MINDY4: variants seen among roughly 807,000 people sequenced by gnomAD.
The protein encoded by MINDY4 is probable ubiquitin carboxyl-terminal hydrolase MINDY-4.
Under a neutral mutation model 87.0 loss-of-function variants are expected in MINDY4, and 68 were observed. The observed-to-expected ratio is 0.78, with a 90% confidence interval of 0.64 to 0.96. The LOEUF is 0.96. Ranked by LOEUF, MINDY4 falls within the 40% of genes least tolerant of loss-of-function variation. The probability of loss-of-function intolerance (pLI) is 0.00; values close to 1 mark genes in which losing one functional copy is unlikely to be tolerated. For missense variants in MINDY4, 919 were observed against 928.2 expected (o/e 0.99, Z 0.13); for synonymous variants, 379 against 363.2 (o/e 1.04, Z -0.50).
At chr7:30,816,995 G>A (rs1012041952) in intron 5 of MINDY4, among the ~76,000 whole-genome samples, 2 of 152,188 alleles carry the variant, frequency 1.3e-5, no homozygotes, top group Non-Finnish European at 2.9e-5. Context: ...TAGTGCACGC[G>A]ATGACTTCTC....
In MINDY4 at chr7:30,882,971, C is replaced by G. The variant is rs931688771; in HGVS notation, c.2203C>G (p.Leu735Val). The G allele has an allele frequency of 3.1e-6, 5 of 1,613,988 alleles. No homozygotes were observed. Among genetic ancestry groups the G allele is most frequent in the Admixed American group, 1.7e-5 (1 of 59,994 alleles). ...EDTDNDLVPP[L>V]ELCIRTKWKG... The stretch of plus-strand genomic sequence containing the variant: ...CACAGACAACGACCTTGTCCCACCC[C>G]TCGAGCTCTGCATCAGAACCAAGTG... The change falls in exon 17 of 18, where the codon CTC (leucine) becomes GTC (valine). Residue 735 changes from leucine to valine, a missense_variant. Coordinates refer to ENST00000265299, the MANE Select transcript of MINDY4 (RefSeq NM_032222.3).
At chr7:30,824,893 C>T (rs1376611180) in intron 5 of MINDY4, among the ~76,000 whole-genome samples, 2 of 152,180 alleles carry the variant, frequency 1.3e-5, no homozygotes, top group African/African-American at 4.8e-5. Flanking sequence ...TGGCTCTTTC[C>T]ACCAAGCCAA....
chr7:30,889,645 C>T (rs1790737888), intron 17 of MINDY4, among the ~76,000 whole-genome samples: 2 of 152,196 alleles, frequency 1.3e-5, no homozygotes, highest in African/African-American at 2.4e-5. Flanking sequence ...CCAATAGACT[C>T]CTCTGGATCT....
chr7:30,845,965 TGAA>T (rs1789202045), intron 9 of MINDY4, among the ~76,000 whole-genome samples: 1 of 152,154 alleles, frequency 6.6e-6, no homozygotes, highest in East Asian at 1.9e-4. Context: ...CAGAAAGAGA[TGAA>T]GAGCTCTTGA....
At chr7:30,774,046 A>G (rs145562976) in intron 1 of MINDY4, among the ~76,000 whole-genome samples, 13 of 152,256 alleles carry the variant, frequency 8.5e-5, no homozygotes, top group African/African-American at 3.1e-4. Flanking sequence ...ACACACCACT[A>G]TGTTGATGGT....
At chr7:30,876,095 A>G (rs1790250513) in intron 15 of MINDY4, among the ~76,000 whole-genome samples, 1 of 152,136 alleles carries the variant, frequency 6.6e-6, no homozygotes, top group Admixed American at 6.5e-5. Flanking sequence ...TGGAAGTCCA[A>G]GATCAAGGTG....
chr7:30,778,055 A>G (rs1421817703), intron 1 of MINDY4, among the ~76,000 whole-genome samples: 1 of 152,216 alleles, frequency 6.6e-6, no homozygotes, highest in African/African-American at 2.4e-5. Context: ...ACATTGGGCA[A>G]GTCAACCCCA....
At chr7:30,863,800 T>G (rs1453151853) in intron 13 of MINDY4, among the ~76,000 whole-genome samples, 1 of 152,242 alleles carries the variant, frequency 6.6e-6, no homozygotes, top group Non-Finnish European at 1.5e-5. Flanking sequence ...TTCCACTTGA[T>G]TTCAAGCCGT....
chr7:30,874,697 C>G (rs530717908), intron 14 of MINDY4, among the ~76,000 whole-genome samples: 1 of 152,332 alleles, frequency 6.6e-6, no homozygotes, highest in African/African-American at 2.4e-5. Flanking sequence ...CATACTTGGG[C>G]TTCCTACTCC....
rs774318644 is a variant in MINDY4 at position 30,791,480 on chromosome 7, T to C, written c.979T>C (p.Leu327=). The C allele has an allele frequency of 6.2e-7, 1 of 1,614,030 alleles. No individual in the cohort carries two copies. The highest frequency in any genetic ancestry group is 8.5e-7 in the Non-Finnish European group (1 of 1,179,954). Residue 327 remains leucine, a synonymous_variant, in exon 5 of 18, where the codon TTG becomes CTG. Coordinates refer to ENST00000265299, the MANE Select transcript of MINDY4 (RefSeq NM_032222.3). The part of the protein sequence containing the change: ...DGSTDTDRMP[L]KLYLPGGNSR... ...CAGCACAGACACGGACAGGATGCCC[T>C]TGAAGCTCTACTTGCCTGGTGGTAA...
intron 13 of MINDY4, among the ~76,000 whole-genome samples, chr7:30,866,726 G>T (rs1474238109): frequency 6.6e-6 from 1 of 152,216 alleles, no homozygotes; most frequent in Non-Finnish European, 1.5e-5. Context: ...CCACTGGTGG[G>T]GGTTTGCAGG....
intron 1 of MINDY4, among the ~76,000 whole-genome samples, chr7:30,777,795 T>C (rs1011574757): frequency 1.4e-4 from 21 of 152,232 alleles, no homozygotes; most frequent in Non-Finnish European, 2.2e-4. Context: ...TGGTTGTTTT[T>C]CAAATAGAGA....
At chr7:30,788,060 T>G (rs1787207013) in intron 4 of MINDY4, among the ~76,000 whole-genome samples, 1 of 152,366 alleles carries the variant, frequency 6.6e-6, no homozygotes, top group African/African-American at 2.4e-5. Flanking sequence ...AGCATTTTTT[T>G]GCAGATCTCT....
At chr7:30,883,400 G>C (rs767742748) in intron 17 of MINDY4, among the ~76,000 whole-genome samples, 5 of 152,128 alleles carry the variant, frequency 3.3e-5, no homozygotes, top group Non-Finnish European at 7.4e-5. Context: ...GGCCCAGCCT[G>C]GGGGTGGCAG....
At chr7:30,808,829 C>A (rs1288416347) in intron 5 of MINDY4, among the ~76,000 whole-genome samples, 2 of 151,880 alleles carry the variant, frequency 1.3e-5, no homozygotes, top group Non-Finnish European at 2.9e-5. Context: ...CTCCCCACCC[C>A]GCACAATGGC....
intron 5 of MINDY4, among the ~76,000 whole-genome samples, chr7:30,804,530 C>T (rs771900669): frequency 6.6e-6 from 1 of 152,114 alleles, no homozygotes; most frequent in African/African-American, 2.4e-5. Flanking sequence ...CAAATATGTA[C>T]TACAGGATTA....
intron 9 of MINDY4, among the ~76,000 whole-genome samples, chr7:30,844,387 G>A (rs761363054): frequency 8.5e-5 from 13 of 152,198 alleles, no homozygotes; most frequent in Non-Finnish European, 1.8e-4. Flanking sequence ...CCTCCTCCTG[G>A]TGATGGGCCC....
At position 30,844,185 on chromosome 7, in the gene MINDY4, C is replaced by T. The variant is rs567900644; in HGVS notation, c.1445+3337C>T. 4.6e-5 allele frequency among the ~76,000 whole-genome samples: 7 copies of T among 152,278 alleles called. No individual in the cohort carries two copies. In the South Asian group the frequency reaches 1.4e-3, roughly 32 times the overall value. ...GTGCAGGTTGAGTGAAGCGGTCTGACTTCCTGCTCCCACAGACCTCCTAGC... is the reference window on the plus strand; with the variant it reads ...GTGCAGGTTGAGTGAAGCGGTCTGATTTCCTGCTCCCACAGACCTCCTAGC... On this transcript the variant is annotated intron_variant, in intron 9 of 17. Transcript: ENST00000265299.
intron 12 of MINDY4, among the ~76,000 whole-genome samples, chr7:30,855,938 A>G (rs535687612): frequency 1.3e-5 from 2 of 152,254 alleles, no homozygotes; most frequent in African/African-American, 4.8e-5. Context: ...CACCAAATTC[A>G]TTTTTCATGG....
Sources: gnomAD v4.1 joint callset for allele counts (sites outside exome capture counted in the v4.1 genomes callset) on GRCh38, gnomAD v4.1.1 for gene constraint, MANE v1.5 for transcripts, NCBI Gene and HGNC (gene_info 2026-07-23, HGNC 2026-07-21) for gene names.